ATP5PD: variants seen among roughly 807,000 people sequenced by gnomAD.
ATP5PD encodes ATP synthase peripheral stalk subunit d, mitochondrial.
ATP5PD carries 13 observed loss-of-function variants against 22.6 expected under a neutral mutation model. That is an observed-to-expected ratio of 0.58 (90% confidence interval 0.37 to 0.91). ATP5PD has a LOEUF of 0.91. Among genes scored for constraint, ATP5PD ranks in the 40% least tolerant of loss-of-function variants. The probability of loss-of-function intolerance (pLI) is 0.00; values close to 1 mark genes in which losing one functional copy is unlikely to be tolerated. For missense variants in ATP5PD, 165 were observed against 188.0 expected (o/e 0.88, Z 0.72); for synonymous variants, 51 against 65.0 (o/e 0.79, Z 1.03).
At chr17:75,041,290 G>A (rs1598687178) in intron 3 of ATP5PD, 1 of 151,344 alleles carries the variant, frequency 6.6e-6, no homozygotes, top group African/African-American at 2.4e-5. Flanking sequence ...GGGAGAAAGA[G>A]GTTGCAGTGA....
At chr17:75,041,304 G>A (rs2073157053) in intron 3 of ATP5PD, 1 of 149,542 alleles carries the variant, frequency 6.7e-6, no homozygotes, top group East Asian at 2.0e-4. Context: ...GCAGTGAGCT[G>A]AGATGGCGCC....
At chr17:75,040,187 C>A (rs759517568) in intron 3 of ATP5PD, 24 bp from the exon 4 acceptor site, 62 of 1,612,068 alleles carry the variant, frequency 3.8e-5, no homozygotes, top group Non-Finnish European at 4.9e-5. Context: ...GGCACGGGAA[C>A]CTTCAGCGCA....
intron 1 of ATP5PD, among the ~76,000 whole-genome samples, chr17:75,044,379 G>C (rs1418517043): frequency 2.7e-5 from 3 of 113,100 alleles, no homozygotes; most frequent in Non-Finnish European, 4.7e-5. Context: ...CTAATTTTTT[G>C]TATTTTTAGT....
At chr17:75,040,712 C>A (rs549608415) in intron 3 of ATP5PD, 2 of 153,092 alleles carry the variant, frequency 1.3e-5, no homozygotes, top group African/African-American at 4.8e-5. Context: ...ATGGTGAAAC[C>A]CCGTCTCTAC....
At chr17:75,040,021 T>C (rs1408243409) in intron 4 of ATP5PD, 71 bp downstream of exon 4, 3 of 1,524,350 alleles carry the variant, frequency 2.0e-6, no homozygotes, top group Non-Finnish European at 2.7e-6. Context: ...CACTCTAACT[T>C]AACTTAGCTA....
intron 3 of ATP5PD, chr17:75,040,983 C>T (rs2073154235): frequency 6.6e-6 from 1 of 151,608 alleles, no homozygotes; most frequent in South Asian, 2.1e-4. Flanking sequence ...AATGAATAAG[C>T]AAATGAACTC....
intron 1 of ATP5PD, among the ~76,000 whole-genome samples, chr17:75,043,019 C>G (rs568239931): frequency 7.9e-5 from 12 of 152,044 alleles, no homozygotes; most frequent in African/African-American, 2.4e-4. Flanking sequence ...GTCAGGAGTT[C>G]GAGACCAGCA....
Position 75,039,060 on chromosome 17 carries a change from C to G in ATP5PD, c.358G>C (p.Glu120Gln). The change falls in exon 6 of 6, where the codon GAG becomes CAG. Residue 120 changes from glutamate to glutamine, a missense_variant. Transcript: ENST00000301587. ...AATGGAATTAAGTTCTTCATCTTCTCCATCTGGAAAGAGGGGGAATGTGTT... is the reference window on the plus strand; with the variant it reads ...AATGGAATTAAGTTCTTCATCTTCTGCATCTGGAAAGAGGGGGAATGTGTT... Reference protein sequence around the residue: ...ARIVEYEKEMEKMKNLIPFDQ... With the variant: ...ARIVEYEKEMQKMKNLIPFDQ... The G allele has an allele frequency of 6.2e-7, 1 of 1,613,900 alleles. No homozygotes were observed. The highest frequency in any genetic ancestry group is 8.5e-7 in the Non-Finnish European group (1 of 1,179,958).
chr17:75,042,731 A>C, intron 1 of ATP5PD, 72 bp from the exon 2 acceptor site: 1 of 1,405,520 alleles, frequency 7.1e-7, no homozygotes, highest in East Asian at 2.3e-5. Context: ...ATGATAAATA[A>C]CAAAATAAGA....
At chr17:75,043,597 G>A (rs1047332951) in intron 1 of ATP5PD, among the ~76,000 whole-genome samples, 1 of 143,400 alleles carries the variant, frequency 7.0e-6, no homozygotes, top group Non-Finnish European at 1.5e-5. Context: ...TGGACACAGA[G>A]TGAGACTCTG....
chr17:75,045,203 C>G (rs1203132648), intron 1 of ATP5PD, among the ~76,000 whole-genome samples: 2 of 152,040 alleles, frequency 1.3e-5, no homozygotes, highest in Non-Finnish European at 2.9e-5. Flanking sequence ...AGGGAGTATA[C>G]GAATAGGTGT....
intron 1 of ATP5PD, among the ~76,000 whole-genome samples, chr17:75,046,634 T>C (rs1036000831): frequency 5.3e-5 from 8 of 152,318 alleles, no homozygotes; most frequent in Non-Finnish European, 8.8e-5. Flanking sequence ...CACCAAACTA[T>C]TGAAGTCTGC....
chr17:75,044,968 A>C (rs752321048), intron 1 of ATP5PD, among the ~76,000 whole-genome samples: 2 of 152,154 alleles, frequency 1.3e-5, no homozygotes, highest in Non-Finnish European at 2.9e-5. Context: ...CCAGGGAACC[A>C]AGCACCCTTA....
rs1346677425 is a variant in ATP5PD, at chr17:75,044,229, CG to C, written c.-9-1571del. 4.4e-3 allele frequency among the ~76,000 whole-genome samples: 363 copies of C among 82,174 alleles called. 2 individuals are homozygous for C. Among genetic ancestry groups the C allele is most frequent in the African/African-American group, 0.021 (121 of 5,724 alleles). The allele number at this position is 82,174 out of a possible 152,430, so 53.9% of individuals were successfully genotyped here. A position where few individuals can be genotyped will look rare whatever the true frequency, so the allele number is the denominator to read the frequency against. ...TTTTTTTTTTTTTGAGACGGAGTCT[CG>C]CTCTGTCGCCCAGGCCGGACTGCGG... On this transcript the variant is annotated intron_variant, in intron 1 of 5. Coordinates refer to ENST00000301587, the MANE Select transcript of ATP5PD (RefSeq NM_006356.3).
At chr17:75,040,429 A>G in intron 3 of ATP5PD, 1 of 454,076 alleles carries the variant, frequency 2.2e-6, no homozygotes, top group East Asian at 3.8e-5. Flanking sequence ...TATGATGATA[A>G]GCTTCATTTT....
intron 3 of ATP5PD, 50 bp downstream of exon 3, chr17:75,042,131 T>C (rs1240780134): frequency 6.6e-7 from 1 of 1,507,698 alleles, no homozygotes; most frequent in East Asian, 2.3e-5. Flanking sequence ...TCCTGCTCCC[T>C]ACCCACAGGC....
intron 3 of ATP5PD, chr17:75,040,961 T>A (rs964638845): frequency 6.6e-6 from 1 of 151,390 alleles, no homozygotes; most frequent in African/African-American, 2.4e-5. Context: ...AGGCCCTCCA[T>A]ACACATCTTT....
chr17:75,046,446 T>TA (rs1379700722), intron 1 of ATP5PD, among the ~76,000 whole-genome samples: 1 of 152,166 alleles, frequency 6.6e-6, no homozygotes, highest in Non-Finnish European at 1.5e-5. Context: ...ATCATGCGCA[T>TA]AGGAGGTGCT....
intron 4 of ATP5PD, chr17:75,039,789 G>C: frequency 2.5e-6 from 1 of 393,926 alleles, no homozygotes; most frequent in Non-Finnish European, 4.6e-6. Context: ...TTTGATATAG[G>C]TATCCACCTG....
Sources: allele counts gnomAD v4.1 joint callset (sites outside exome capture counted in the v4.1 genomes callset), GRCh38; gene constraint gnomAD v4.1.1; transcripts MANE v1.5; gene names NCBI Gene and HGNC (gene_info 2026-07-23, HGNC 2026-07-21).